Variants in RASGRF1 observed in about 807,000 individuals in gnomAD.
The protein encoded by RASGRF1 is Ras protein specific guanine nucleotide releasing factor 1.
Under a neutral mutation model 138.7 loss-of-function variants are expected in RASGRF1, and 40 were observed. The observed-to-expected ratio is 0.29, with a 90% CI of 0.22 to 0.38. RASGRF1 has a LOEUF of 0.38. RASGRF1 is among the 10% of genes least tolerant of loss of function. The pLI is 1.00. For missense variants in RASGRF1, 1,108 were observed against 1,650.4 expected (o/e 0.67, Z 5.69); for synonymous variants, 614 against 663.2 (o/e 0.93, Z 1.14).
At chr15:79,053,057 G>A (rs932797492) in intron 3 of RASGRF1, among the ~76,000 whole-genome samples, 1 of 152,150 alleles carries the variant, frequency 6.6e-6, no homozygotes, top group Non-Finnish European at 1.5e-5. Context: ...CCTGAGGTCT[G>A]GAGTTTGAGA....
At chr15:78,990,294 C>A in intron 21 of RASGRF1, 21 bp from the exon 22 acceptor site, 1 of 1,521,488 alleles carries the variant, frequency 6.6e-7, no homozygotes, top group Non-Finnish European at 9.1e-7. Context: ...TAAGGGGAGA[C>A]CCAGGTGGAG....
At position 79,072,437 on chromosome 15, in the gene RASGRF1, G is replaced by A. The variant is rs1046268287; in HGVS notation, c.277-7911C>T. Reference sequence around the variant, plus strand: ...ACTACAGGCGTCTGCCACCACGCCCGGCTAATTTTTTGTATTTTTAGTAGA... The same window carrying A: ...ACTACAGGCGTCTGCCACCACGCCCAGCTAATTTTTTGTATTTTTAGTAGA... On this transcript the variant is annotated intron_variant, in intron 1 of 26. Coordinates refer to ENST00000558480, the MANE Select transcript of RASGRF1 (RefSeq NM_001145648.3). Among the ~76,000 whole-genome samples the A allele has an allele frequency of 5.9e-5, 9 of 151,732 alleles. No homozygotes were observed. The East Asian group carries it at 1.2e-3, about 20-fold the overall frequency.
intron 13 of RASGRF1, among the ~76,000 whole-genome samples, chr15:79,010,845 C>T (rs1167212654): frequency 2.0e-5 from 3 of 152,126 alleles, no homozygotes; most frequent in Non-Finnish European, 4.4e-5. Context: ...TGGTGGCTGA[C>T]CTGAGACGCT....
intron 19 of RASGRF1, among the ~76,000 whole-genome samples, chr15:78,996,849 T>C (rs1490513598): frequency 3.9e-5 from 6 of 152,088 alleles, no homozygotes; most frequent in Non-Finnish European, 5.9e-5. Flanking sequence ...GGCCCCAGCA[T>C]GGGGCCTCCA....
At chr15:79,005,662 C>G (rs1413534683) in intron 14 of RASGRF1, 4 of 987,688 alleles carry the variant, frequency 4.0e-6, no homozygotes, top group Non-Finnish European at 4.8e-6. Context: ...CCAAAAAGGG[C>G]TCCATCATTT....
chr15:79,030,721 A>T (rs766259042), intron 8 of RASGRF1, among the ~76,000 whole-genome samples: 4 of 152,142 alleles, frequency 2.6e-5, no homozygotes, highest in Non-Finnish European at 4.4e-5. Flanking sequence ...CTCTTTCCAC[A>T]TCAAATCCAT....
Position 79,032,407 on chromosome 15 carries a change from A to T in RASGRF1, c.959-91T>A. On this transcript the variant is annotated intron_variant, in intron 6 of 26. Coordinates refer to ENST00000558480, the MANE Select transcript of RASGRF1 (RefSeq NM_001145648.3). This position sits in a 1 kb window ranked among gnomAD's most constrained non-coding sequence, Gnocchi z 4.5. ...TTGGCTCCCCCAGCTACACCCAGAGAGGCCAGGGGCCAGGTTCAAGTTCCC... is the reference window on the plus strand; with the variant it reads ...TTGGCTCCCCCAGCTACACCCAGAGTGGCCAGGGGCCAGGTTCAAGTTCCC... The T allele has an allele frequency of 7.6e-7, 1 of 1,310,690 alleles. No individual in the cohort carries two copies. The highest frequency in any genetic ancestry group is 1.1e-6 in the Non-Finnish European group (1 of 940,310). The allele number at this position is 1,310,690 out of a possible 1,614,324, so 81.2% of individuals were successfully genotyped here.
intron 13 of RASGRF1, among the ~76,000 whole-genome samples, chr15:79,008,511 A>G (rs1177028030): frequency 2.0e-5 from 3 of 152,246 alleles, no homozygotes; most frequent in Non-Finnish European, 2.9e-5. Context: ...CACTGCATCT[A>G]TGGGACCTTG....
At position 79,064,425 on chromosome 15, in the gene RASGRF1, A is replaced by C; in HGVS notation, c.378T>G (p.His126Gln). 1.2e-6 allele frequency: 2 copies of C among 1,613,948 alleles called. No homozygotes were observed. Among genetic ancestry groups the C allele is most frequent in the South Asian group, 2.2e-5 (2 of 91,066 alleles). ...CCCTGGGCAAGGAGACATACCTGGCATGTGCAATGGCTGCCACCCATTCGT... is the reference window on the plus strand; with the variant it reads ...CCCTGGGCAAGGAGACATACCTGGCCTGTGCAATGGCTGCCACCCATTCGT... ...DCDEWVAAIA[H>Q]ASYRTLATEH... Residue 126 changes from histidine (H) to glutamine (Q), a missense_variant, in exon 2 of 27, where the codon CAT (histidine) becomes CAG (glutamine). Coordinates refer to ENST00000558480, the MANE Select transcript of RASGRF1 (RefSeq NM_001145648.3).
rs2057198708 is a variant in RASGRF1, at chr15:79,035,054, C to T, written c.958+77G>A. 3.0e-6 allele frequency: 4 copies of T among 1,315,856 alleles called. No individual in the cohort carries two copies. The East Asian group carries it at 7.3e-5, about 24-fold the overall frequency. 81.5% of individuals were successfully genotyped at this position (1,315,856 alleles called of 1,614,324 possible). On this transcript the variant is annotated intron_variant, in intron 6 of 26. Coordinates refer to ENST00000558480, the MANE Select transcript of RASGRF1 (RefSeq NM_001145648.3). ...GACACTCTATTATGCTCTAGAAGGA[C>T]AAAACTGCCCCAGGCTTTTGGGGTG...
intron 2 of RASGRF1, among the ~76,000 whole-genome samples, chr15:79,059,304 C>T (rs1262833236): frequency 7.0e-6 from 1 of 143,000 alleles, no homozygotes; most frequent in African/African-American, 2.6e-5. Context: ...CTATCCTTCC[C>T]TTCCCTTCCC....
chr15:78,989,992 C>G, intron 22 of RASGRF1, 197 bp downstream of exon 22: 1 of 607,796 alleles, frequency 1.6e-6, no homozygotes, highest in Non-Finnish European at 2.9e-6. Context: ...GTTCCATGGT[C>G]AGCCCCACTT....
intron 15 of RASGRF1, 31 bp from the exon 16 acceptor site, chr15:79,001,818 T>C (rs1478105946): frequency 7.5e-7 from 1 of 1,331,458 alleles, no homozygotes; most frequent in African/African-American, 1.6e-5. Context: ...AATTTTACTT[T>C]TCTTAATTTT....
intron 12 of RASGRF1, among the ~76,000 whole-genome samples, chr15:79,016,836 G>A (rs36107921): frequency 0.022 from 3,291 of 152,294 alleles, 53 homozygotes; most frequent in Non-Finnish European, 0.035. Context: ...AAGGGAAGCC[G>A]TCCTAGGTCC....
At chr15:78,980,946 A>C (rs1387776606) in intron 23 of RASGRF1, 2 of 359,554 alleles carry the variant, frequency 5.6e-6, no homozygotes, top group Non-Finnish European at 1.0e-5. Flanking sequence ...GAGGGACCTG[A>C]GTGTGGATTT....
In RASGRF1 at chr15:78,961,386, T is replaced by A. The variant is rs1422888959; in HGVS notation, c.*758A>T. On this transcript the variant is annotated 3_prime_UTR_variant, in exon 27 of 27. Transcript: ENST00000558480. ...CGACTTTCAGTGGATGCTGGGCCAG[T>A]GGTCGGCAAGAGTCGACGTGGCTTG... 1.3e-5 allele frequency: 2 copies of A among 152,196 alleles called. No individual in the cohort carries two copies. The highest frequency in any genetic ancestry group is 3.8e-4 in the East Asian group (2 of 5,198). 9.4% of individuals were successfully genotyped at this position (152,196 alleles called of 1,614,324 possible). A position where few individuals can be genotyped will look rare whatever the true frequency, so the allele number is the denominator to read the frequency against.
intron 17 of RASGRF1, among the ~76,000 whole-genome samples, chr15:78,999,449 G>A (rs1233296333): frequency 6.6e-6 from 1 of 152,118 alleles, no homozygotes; most frequent in East Asian, 1.9e-4. Context: ...CTGGGTGTGT[G>A]CAGAGCCCCA....
chr15:79,025,764 T>C (rs1382287711), intron 9 of RASGRF1, among the ~76,000 whole-genome samples: 5 of 151,984 alleles, frequency 3.3e-5, no homozygotes, highest in African/African-American at 1.2e-4. Flanking sequence ...GTGGTGAGAA[T>C]GAAGGGCTGG....
intron 1 of RASGRF1, among the ~76,000 whole-genome samples, chr15:79,084,322 C>A (rs2057951274): frequency 6.6e-6 from 1 of 151,802 alleles, no homozygotes; most frequent in Non-Finnish European, 1.5e-5. Context: ...TGTAGACGAG[C>A]CGCCAAATTC....
Sources: allele counts gnomAD v4.1 joint callset (sites outside exome capture counted in the v4.1 genomes callset), GRCh38; gene constraint gnomAD v4.1.1; non-coding constraint Gnocchi (gnomAD v3.1); transcripts MANE v1.5; gene names NCBI Gene and HGNC (gene_info 2026-07-23, HGNC 2026-07-21).